Variants in DNAH14 observed in about 807,000 individuals in gnomAD.
DNAH14 encodes axonemal beta dynein heavy chain 14.
A neutral mutation model predicts 520.9 loss-of-function variants in DNAH14; 478 were observed. The observed-to-expected ratio is 0.92, with a 90% CI of 0.85 to 0.99. DNAH14 has a LOEUF of 0.99. Among genes scored for constraint, DNAH14 ranks in the 50% least tolerant of loss-of-function variants. DNAH14 has a pLI of 0.00. For missense variants in DNAH14, 4,831 were observed against 5,234.5 expected (o/e 0.92, Z 2.38); for synonymous variants, 1,581 against 1,757.2 (o/e 0.90, Z 2.51).
intron 41 of DNAH14, among the ~76,000 whole-genome samples, chr1:225,223,086 CAG>C (rs887111178): frequency 6.6e-5 from 10 of 152,104 alleles, no homozygotes; most frequent in Non-Finnish European, 1.5e-4. Context: ...AAAGAGAAAA[CAG>C]AGGTTTTGCC....
At chr1:225,081,210 C>A (rs1014860487) in intron 19 of DNAH14, among the ~76,000 whole-genome samples, 1 of 152,134 alleles carries the variant, frequency 6.6e-6, no homozygotes, top group Non-Finnish European at 1.5e-5. Flanking sequence ...TCTATAAGAT[C>A]AAATCCTTTC....
chr1:225,377,256 G>C lies in DNAH14; in HGVS notation c.12536G>C (p.Gly4179Ala). ...SSDGICLPVP[G>A]SASIKDYIHI... ...TTTCAGATATGTCTGCCAGTTCCAG[G>C]ATCTGCAAGCATAAAGGACTACATA... The change falls in exon 79 of 86, where the codon GGA becomes GCA. Residue 4179 changes from glycine to alanine, a missense_variant. Transcript: ENST00000682510. 7.1e-7 allele frequency: 1 copy of C among 1,408,630 alleles called. No homozygotes were observed. The highest frequency in any genetic ancestry group is 9.3e-7 in the Non-Finnish European group (1 of 1,071,400). 87.3% of individuals were successfully genotyped at this position (1,408,630 alleles called of 1,614,324 possible). A position where few individuals can be genotyped will look rare whatever the true frequency, so the allele number is the denominator to read the frequency against.
intron 28 of DNAH14, among the ~76,000 whole-genome samples, chr1:225,143,028 T>A (rs372587215): frequency 4.9e-4 from 75 of 152,258 alleles, no homozygotes; most frequent in African/African-American, 1.7e-3. Context: ...ACTAAATCAT[T>A]AAGACAAAAA....
At chr1:225,333,964 T>A (rs576629798) in intron 66 of DNAH14, among the ~76,000 whole-genome samples, 1 of 152,322 alleles carries the variant, frequency 6.6e-6, no homozygotes, top group South Asian at 2.1e-4. Flanking sequence ...CTTTTGTTAA[T>A]CCTCCGAGAA....
intron 77 of DNAH14, 77 bp downstream of exon 77, chr1:225,368,109 C>A: frequency 8.2e-7 from 1 of 1,221,346 alleles, no homozygotes; most frequent in Non-Finnish European, 1.1e-6. Context: ...TGTGCCTACA[C>A]AAATGTGAGT....
At chr1:225,319,881 G>A (rs1264134206) in intron 61 of DNAH14, among the ~76,000 whole-genome samples, 3 of 152,136 alleles carry the variant, frequency 2.0e-5, no homozygotes, top group Non-Finnish European at 4.4e-5. Flanking sequence ...AAAGTCTGAA[G>A]ACAGAAATGT....
intron 84 of DNAH14, among the ~76,000 whole-genome samples, chr1:225,393,731 C>T (rs764286203): frequency 3.9e-5 from 6 of 152,260 alleles, no homozygotes; most frequent in Non-Finnish European, 7.3e-5. Flanking sequence ...TAGAAGATTG[C>T]TCCACATCCC....
intron 23 of DNAH14, among the ~76,000 whole-genome samples, chr1:225,107,515 C>G (rs1263060061): frequency 6.6e-6 from 1 of 152,134 alleles, no homozygotes; most frequent in Non-Finnish European, 1.5e-5. Context: ...GACAAAACGA[C>G]ATGGACATAC....
rs770952910 is a variant in DNAH14 at position 225,322,648 on chromosome 1, T to G, written c.9336-16T>G. On this transcript the variant is annotated splice_polypyrimidine_tract_variant and intron_variant, in intron 61 of 85. Transcript: ENST00000682510. ...TTTAATTGTGAAGTTGATGAGATTT[T>G]CATCATCTATTACAGAGTATACACA... 1 of 1,437,844 alleles carries G rather than the reference T, an allele frequency of 7.0e-7. No homozygotes were observed. Among genetic ancestry groups the G allele is most frequent in the South Asian group, 1.6e-5 (1 of 63,058 alleles). 89.1% of individuals were successfully genotyped at this position (1,437,844 alleles called of 1,614,324 possible).
At chr1:225,289,673 A>G (rs979883253) in intron 54 of DNAH14, among the ~76,000 whole-genome samples, 10 of 152,114 alleles carry the variant, frequency 6.6e-5, no homozygotes, top group African/African-American at 2.4e-4. Context: ...AGGCTATGGA[A>G]AGATGAAAAT....
Position 225,038,797 on chromosome 1 carries a change from G to T in DNAH14, c.1462G>T (p.Val488Leu). Residue 488 changes from valine (V) to leucine (L), a missense_variant, in exon 12 of 86, where the codon GTA (valine) becomes TTA (leucine). Val to Leu is a conservative substitution (Grantham distance 32). Coordinates refer to ENST00000682510, the MANE Select transcript of DNAH14 (RefSeq NM_001367479.1). ...LHAISVQKSE[V>L]KTDTDINEIL... ...TGCTATTTCTGTTCAAAAGTCAGAA[G>T]TAAAAACAGACACTGATATTAATGA... is the stretch of plus-strand genomic sequence containing the variant. 6.6e-7 allele frequency: 1 copy of T among 1,505,238 alleles called. No individual in the cohort carries two copies. The highest frequency in any genetic ancestry group is 8.9e-7 in the Non-Finnish European group (1 of 1,129,424). 93.2% of individuals were successfully genotyped at this position (1,505,238 alleles called of 1,614,324 possible). A position where few individuals can be genotyped will look rare whatever the true frequency, so the allele number is the denominator to read the frequency against.
chr1:225,301,064 C>A (rs926122665), intron 56 of DNAH14, 34 bp downstream of exon 56: 1 of 1,530,920 alleles, frequency 6.5e-7, no homozygotes, highest in South Asian at 1.2e-5. Flanking sequence ...ATCAAATTGT[C>A]ATGTTAAAAG....
intron 11 of DNAH14, among the ~76,000 whole-genome samples, chr1:225,025,032 T>A (rs916640365): frequency 6.6e-6 from 1 of 152,126 alleles, no homozygotes; most frequent in Non-Finnish European, 1.5e-5. Context: ...ATGCATTTTT[T>A]ATGTTACAGG....
intron 63 of DNAH14, 67 bp from the exon 64 acceptor site, chr1:225,324,670 A>G: frequency 7.5e-7 from 1 of 1,327,462 alleles, no homozygotes; most frequent in Non-Finnish European, 1.0e-6. Flanking sequence ...TCTTTCAAAT[A>G]TAAATGGCAT....
chr1:225,310,896 C>T (rs181140220), intron 60 of DNAH14, among the ~76,000 whole-genome samples: 6 of 152,132 alleles, frequency 3.9e-5, no homozygotes, highest in Non-Finnish European at 5.9e-5. Flanking sequence ...TGAATACTCC[C>T]ACAATAAACA....
At chr1:225,251,155 A>C (rs185747803) in intron 43 of DNAH14, among the ~76,000 whole-genome samples, 2 of 152,006 alleles carry the variant, frequency 1.3e-5, no homozygotes, top group East Asian at 3.9e-4. Context: ...CTAGGCCTAA[A>C]TATAAATTGT....
intron 27 of DNAH14, among the ~76,000 whole-genome samples, chr1:225,129,654 T>A (rs1465086197): frequency 1.3e-5 from 2 of 151,832 alleles, no homozygotes; most frequent in Admixed American, 1.3e-4. Flanking sequence ...TTACACCTTA[T>A]ACAAAAATTA....
chr1:225,007,617 C>T, intron 10 of DNAH14, 73 bp downstream of exon 10: 1 of 1,246,160 alleles, frequency 8.0e-7, no homozygotes, highest in Non-Finnish European at 1.1e-6. Flanking sequence ...AAATTGCATC[C>T]CTGGAAAAAG....
intron 55 of DNAH14, among the ~76,000 whole-genome samples, chr1:225,297,816 C>T (rs1031090742): frequency 1.3e-5 from 2 of 152,200 alleles, no homozygotes; most frequent in African/African-American, 4.8e-5. Context: ...GGCTATTGCT[C>T]TAGCTGGGGG....
Sources: allele counts gnomAD v4.1 joint callset (sites outside exome capture counted in the v4.1 genomes callset), GRCh38; gene constraint gnomAD v4.1.1; transcripts MANE v1.5; gene names NCBI Gene and HGNC (gene_info 2026-07-23, HGNC 2026-07-21).